The following CTNNA2 variants were observed in gnomAD, a reference collection of about 807,000 sequenced individuals.
The protein encoded by CTNNA2 is catenin alpha-2.
CTNNA2 carries 42 observed loss-of-function variants against 101.0 expected under a neutral mutation model. That is an observed-to-expected ratio of 0.42 (90% CI 0.32 to 0.54). The LOEUF is 0.54. Among genes scored for constraint, CTNNA2 ranks in the 20% least tolerant of loss-of-function variants. The pLI is 0.14. For synonymous variants in CTNNA2, 450 were observed against 456.4 expected (o/e 0.99, Z 0.18); for missense variants, 871 against 1,223.1 (o/e 0.71, Z 4.29).
At chr2:80,594,336 T>G (rs1696763417) in intron 15 of CTNNA2, among the ~76,000 whole-genome samples, 1 of 152,114 alleles carries the variant, frequency 6.6e-6, no homozygotes, top group African/African-American at 2.4e-5. Flanking sequence ...TTAGTTGGGT[T>G]GTTTGTTTGC....
At chr2:80,621,595 A>C (rs1671125344) in intron 18 of CTNNA2, among the ~76,000 whole-genome samples, 1 of 151,944 alleles carries the variant, frequency 6.6e-6, no homozygotes, top group South Asian at 2.1e-4. Context: ...GTGTTATTCT[A>C]ATTATTGGGG....
At chr2:80,601,424 T>TTTTC in intron 15 of CTNNA2, among the ~76,000 whole-genome samples, 1 of 145,728 alleles carries the variant, frequency 6.9e-6, no homozygotes, top group African/African-American at 2.5e-5. Flanking sequence ...TTTCTTTCTT[T>TTTTC]TTTTTTTTTT....
intron 8 of CTNNA2, among the ~76,000 whole-genome samples, chr2:80,395,078 T>A (rs1677884714): frequency 6.6e-6 from 1 of 152,152 alleles, no homozygotes; most frequent in African/African-American, 2.4e-5. Flanking sequence ...AAAAGTAATT[T>A]TTACTCTTAT....
At position 80,348,716 on chromosome 2, in the gene CTNNA2, A is replaced by G. The variant is rs560396659; in HGVS notation, c.1057-44495A>G. The stretch of plus-strand genomic sequence containing the variant: ...TTTTGTGTAAGACATTCCACCAACC[A>G]TCACTGAGTAAACGTAGTATATGCC... On this transcript the variant is annotated intron_variant, in intron 7 of 18. Transcript: ENST00000402739. Among the ~76,000 whole-genome samples the G allele has an allele frequency of 2.6e-5, 4 of 151,834 alleles. No individual in the cohort carries two copies. The East Asian group carries it at 5.9e-4, about 22-fold the overall frequency.
At chr2:79,820,764 C>T (rs767070060) in intron 3 of CTNNA2, among the ~76,000 whole-genome samples, 1 of 152,276 alleles carries the variant, frequency 6.6e-6, no homozygotes, top group East Asian at 1.9e-4. Flanking sequence ...AATGAAATGA[C>T]TTATGCTTGG....
In CTNNA2 at chr2:79,698,205, G is replaced by A. The variant is rs368471468; in HGVS notation, c.103-46182G>A. Among the ~76,000 whole-genome samples, 52 of 152,054 alleles carry A rather than the reference G, an allele frequency of 3.4e-4. 1 individual carries two copies. In the South Asian group the frequency reaches 0.011, roughly 31 times the overall value. ...TAATTCTGAGTTATACTGTTGATTTGTAAACTATGTGTTTATTTCAAGAGT... is the reference window on the plus strand; with the variant it reads ...TAATTCTGAGTTATACTGTTGATTTATAAACTATGTGTTTATTTCAAGAGT... On this transcript the variant is annotated intron_variant, in intron 2 of 18. Coordinates refer to ENST00000402739, the MANE Select transcript of CTNNA2 (RefSeq NM_001282597.3).
intron 7 of CTNNA2, among the ~76,000 whole-genome samples, chr2:80,233,532 C>T (rs968802399): frequency 1.3e-5 from 2 of 152,144 alleles, no homozygotes; most frequent in Non-Finnish European, 2.9e-5. Flanking sequence ...TTAATTTTAG[C>T]ATATGACACA....
intron 9 of CTNNA2, among the ~76,000 whole-genome samples, chr2:80,505,685 A>G (rs1482156969): frequency 6.6e-6 from 1 of 152,208 alleles, no homozygotes; most frequent in African/African-American, 2.4e-5. Context: ...AGTTGTTCCC[A>G]ACGTCCAGTA....
At chr2:79,664,705 CTTTTTTTTTTTTTTT>C (rs67782114) in intron 2 of CTNNA2, among the ~76,000 whole-genome samples, 1 of 94,988 alleles carries the variant, frequency 1.1e-5, no homozygotes, top group African/African-American at 4.4e-5. Flanking sequence ...TCACATTCTT[CTTTTTTTTTTTTTTT>C]TTTTTTTTTT....
At chr2:79,615,450 A>G (rs1392906008) in intron 1 of CTNNA2, among the ~76,000 whole-genome samples, 1 of 152,216 alleles carries the variant, frequency 6.6e-6, no homozygotes, top group African/African-American at 2.4e-5. Context: ...GGAATATTCT[A>G]AAATTTCATT....
intron 7 of CTNNA2, among the ~76,000 whole-genome samples, chr2:80,026,053 G>A (rs1277774507): frequency 6.6e-6 from 1 of 152,138 alleles, no homozygotes; most frequent in East Asian, 1.9e-4. Flanking sequence ...AGGGTGAGCT[G>A]GGATATGTTT....
chr2:80,606,565 TAAAG>T (rs1196358012), intron 16 of CTNNA2, among the ~76,000 whole-genome samples: 18 of 151,914 alleles, frequency 1.2e-4, no homozygotes, highest in Admixed American at 8.5e-4. Context: ...CAATTTTTGA[TAAAG>T]AAATCTTCAG....
chr2:80,638,068 C>T (rs1052807921), intron 18 of CTNNA2, among the ~76,000 whole-genome samples: 1 of 152,084 alleles, frequency 6.6e-6, no homozygotes, highest in Non-Finnish European at 1.5e-5. Context: ...TTACATTTGT[C>T]TTCTGGTCAT....
intron 7 of CTNNA2, among the ~76,000 whole-genome samples, chr2:80,192,910 T>A (rs1706603477): frequency 6.6e-6 from 1 of 152,180 alleles, no homozygotes; most frequent in Non-Finnish European, 1.5e-5. Context: ...ATACTGAGAA[T>A]GATGAAACTA....
chr2:79,567,484 A>G (rs902986938), intron 1 of CTNNA2, among the ~76,000 whole-genome samples: 5 of 152,054 alleles, frequency 3.3e-5, no homozygotes, highest in Admixed American at 2.0e-4. Flanking sequence ...TCCAACAGGA[A>G]GACCCTTCTA....
chr2:79,873,761 G>T lies in CTNNA2; in HGVS notation c.586-315G>T, dbSNP rs369313653. Among the ~76,000 whole-genome samples, 14 of 151,984 alleles carry T rather than the reference G, an allele frequency of 9.2e-5. No individual in the cohort carries two copies. In the East Asian group the frequency reaches 2.5e-3, roughly 27 times the overall value. Reference sequence around the variant, plus strand: ...AACTTTTTTTTTTTTAACTAGCCTGGTGTGGAAGCATGCACCTGTAGTTCT... The same window carrying T: ...AACTTTTTTTTTTTTAACTAGCCTGTTGTGGAAGCATGCACCTGTAGTTCT... On this transcript the variant is annotated intron_variant, in intron 5 of 18. Transcript: ENST00000402739.
At chr2:79,298,112 T>C (rs1473947756) in intron 2 of CTNNA2, among the ~76,000 whole-genome samples, 1 of 152,206 alleles carries the variant, frequency 6.6e-6, no homozygotes, top group African/African-American at 2.4e-5. Flanking sequence ...AAAAGACTTT[T>C]ATTTGGCTCA....
At chr2:79,356,441 G>T (rs1677511045) in intron 3 of CTNNA2, among the ~76,000 whole-genome samples, 1 of 152,230 alleles carries the variant, frequency 6.6e-6, no homozygotes, top group African/African-American at 2.4e-5. Context: ...ATAAACAAAA[G>T]TTTTAATTTT....
intron 2 of CTNNA2, among the ~76,000 whole-genome samples, chr2:79,223,364 GT>G (rs1674369883): frequency 6.6e-6 from 1 of 152,174 alleles, no homozygotes; most frequent in East Asian, 1.9e-4. Context: ...CCCAGTCTAT[GT>G]TACTTTGTTA....
Sources: allele counts gnomAD v4.1 joint callset (sites outside exome capture counted in the v4.1 genomes callset), GRCh38; gene constraint gnomAD v4.1.1; transcripts MANE v1.5; gene names NCBI Gene and HGNC (gene_info 2026-07-23, HGNC 2026-07-21).